Variants in NRG1 observed in about 807,000 individuals in gnomAD.
The protein encoded by NRG1 is neuregulin 1.
Under a neutral mutation model 63.8 loss-of-function variants are expected in NRG1, and 18 were observed. The observed-to-expected ratio is 0.28, with a 90% CI of 0.19 to 0.42. NRG1 has a LOEUF of 0.42. NRG1 is among the 10% of genes least tolerant of loss of function. NRG1 has a pLI of 1.00. For synonymous variants in NRG1, 302 were observed against 301.3 expected (o/e 1.00, Z -0.02); for missense variants, 762 against 814.7 (o/e 0.94, Z 0.79).
intron 1 of NRG1, among the ~76,000 whole-genome samples, chr8:32,450,786 T>C (rs71512629): frequency 0.16 from 24,151 of 152,120 alleles, 2,216 homozygotes; most frequent in Non-Finnish European, 0.2. Context: ...TCTTAAACCT[T>C]TGTTTTAAGC....
chr8:31,894,660 C>T (rs1313926043), intron 1 of NRG1, among the ~76,000 whole-genome samples: 3 of 150,642 alleles, frequency 2.0e-5, no homozygotes, highest in African/African-American at 7.4e-5. Context: ...ACGCCATTCT[C>T]CTGCCTCAGC....
rs1395935463 is a variant in NRG1, at chr8:32,741,994, T to C, written c.633-681T>C. ...TAGCATTTTTTTTTTGCTTACCACA[T>C]TTTTGCCCTCTAGGTGCCAACCTGG... On this transcript the variant is annotated intron_variant, in intron 6 of 11. Transcript: ENST00000356819. 1 of 1,610,844 alleles carries C rather than the reference T, an allele frequency of 6.2e-7. No homozygotes were observed. The highest frequency in any genetic ancestry group is 1.3e-5 in the African/African-American group (1 of 74,822).
chr8:32,746,422 A>G (rs373443778), intron 7 of NRG1, among the ~76,000 whole-genome samples: 2 of 152,162 alleles, frequency 1.3e-5, no homozygotes, highest in Non-Finnish European at 2.9e-5. Context: ...GAAAAATCCT[A>G]AATGTCTTCA....
chr8:31,679,632 T>G (rs1329402743), intron 1 of NRG1, among the ~76,000 whole-genome samples: 1 of 152,152 alleles, frequency 6.6e-6, no homozygotes, highest in Non-Finnish European at 1.5e-5. Context: ...TATTCTTTTT[T>G]AAGATTACAA....
At chr8:32,135,949 G>A (rs909427984) in intron 1 of NRG1, among the ~76,000 whole-genome samples, 9 of 146,922 alleles carry the variant, frequency 6.1e-5, no homozygotes, top group African/African-American at 1.7e-4. Flanking sequence ...ACAGCCATGC[G>A]GGAGTGATTG....
At chr8:31,699,807 T>C (rs1810454425) in intron 1 of NRG1, among the ~76,000 whole-genome samples, 2 of 152,170 alleles carry the variant, frequency 1.3e-5, no homozygotes, top group African/African-American at 2.4e-5. Flanking sequence ...AAAGGGACCC[T>C]GGGACTGACA....
At chr8:32,464,279 A>ACCCCCCCCCC (rs144963557) in intron 1 of NRG1, among the ~76,000 whole-genome samples, 7 of 86,638 alleles carry the variant, frequency 8.1e-5, no homozygotes, top group African/African-American at 9.1e-5. Context: ...ACTTATCCCC[A>ACCCCCCCCCC]CCCCCCCCCA....
At chr8:32,565,315 G>A (rs538461880) in intron 1 of NRG1, among the ~76,000 whole-genome samples, 1 of 152,082 alleles carries the variant, frequency 6.6e-6, no homozygotes, top group South Asian at 2.1e-4. Flanking sequence ...TTTAAAGATA[G>A]AGTCTTGCTG....
intron 6 of NRG1, among the ~76,000 whole-genome samples, chr8:32,737,310 G>A (rs1488109311): frequency 2.0e-5 from 3 of 152,118 alleles, no homozygotes; most frequent in African/African-American, 2.4e-5. Context: ...AGCACTTTGC[G>A]AGGCCAAGGC....
Position 32,291,627 on chromosome 8 carries a change from C to T in NRG1, c.38-304201C>T, listed in dbSNP as rs550287147. ...GATCTCGGCTCACTGCAACCTCCACCTCCTGGGTTCAAGTGATTCCCCTGC... is the reference window on the plus strand; with the variant it reads ...GATCTCGGCTCACTGCAACCTCCACTTCCTGGGTTCAAGTGATTCCCCTGC... On this transcript the variant is annotated intron_variant, in intron 1 of 10. Coordinates refer to the NRG1 transcript ENST00000519301. Among the ~76,000 whole-genome samples, 12 of 150,696 alleles carry T rather than the reference C, an allele frequency of 8.0e-5. No homozygotes were observed. In the South Asian group the frequency reaches 2.5e-3, roughly 32 times the overall value.
intron 1 of NRG1, among the ~76,000 whole-genome samples, chr8:32,457,123 C>G (rs939837684): frequency 1.3e-5 from 2 of 152,206 alleles, no homozygotes; most frequent in African/African-American, 4.8e-5. Flanking sequence ...CGGAGTGAGA[C>G]TTTCTCAAAA....
At chr8:31,819,209 C>T (rs1823768418) in intron 1 of NRG1, among the ~76,000 whole-genome samples, 1 of 152,084 alleles carries the variant, frequency 6.6e-6, no homozygotes, top group African/African-American at 2.4e-5. Context: ...ACTTACACTC[C>T]AGCCTGGGTG....
intron 5 of NRG1, among the ~76,000 whole-genome samples, chr8:32,665,177 A>G (rs1288047037): frequency 1.3e-5 from 2 of 152,128 alleles, no homozygotes; most frequent in African/African-American, 4.8e-5. Context: ...TTATTTCTGT[A>G]TGGAAATTAC....
At chr8:31,802,553 A>G (rs192099867) in intron 1 of NRG1, among the ~76,000 whole-genome samples, 2 of 152,266 alleles carry the variant, frequency 1.3e-5, no homozygotes, top group East Asian at 1.9e-4. Flanking sequence ...ACATGCTGCT[A>G]TTTCTGATGC....
intron 5 of NRG1, among the ~76,000 whole-genome samples, chr8:32,726,188 T>TA (rs1259066813): frequency 6.6e-6 from 1 of 152,100 alleles, no homozygotes; most frequent in Non-Finnish European, 1.5e-5. Context: ...AGTTCTCCTT[T>TA]AAAAAAATAA....
intron 1 of NRG1, among the ~76,000 whole-genome samples, chr8:31,643,577 C>T (rs1443882526): frequency 6.6e-6 from 1 of 152,150 alleles, no homozygotes; most frequent in Non-Finnish European, 1.5e-5. Flanking sequence ...TAGAAGACAA[C>T]ATGGAAATTC....
chr8:32,623,738 A>G (rs1848720759), intron 5 of NRG1, among the ~76,000 whole-genome samples: 1 of 152,158 alleles, frequency 6.6e-6, no homozygotes, highest in Non-Finnish European at 1.5e-5. Context: ...GTATATGAAT[A>G]TATCTTCTTT....
At chr8:32,511,367 G>GTATATATATATATATATATA (rs202038797) in intron 1 of NRG1, among the ~76,000 whole-genome samples, 26 of 122,060 alleles carry the variant, frequency 2.1e-4, no homozygotes, top group African/African-American at 2.5e-4. Context: ...ATATATATGT[G>GTATATATATATATATATATA]TATATATATA....
At chr8:31,754,497 A>C (rs1816777700) in intron 1 of NRG1, among the ~76,000 whole-genome samples, 1 of 152,134 alleles carries the variant, frequency 6.6e-6, no homozygotes, top group African/African-American at 2.4e-5. Context: ...AGCAGATGCC[A>C]GCATCATGCT....
Sources: allele counts gnomAD v4.1 joint callset (sites outside exome capture counted in the v4.1 genomes callset), GRCh38; gene constraint gnomAD v4.1.1; transcripts MANE v1.5; gene names NCBI Gene and HGNC (gene_info 2026-07-23, HGNC 2026-07-21).